Variants in FILIP1L observed in about 807,000 individuals in gnomAD.
FILIP1L encodes the protein filamin A-interacting protein 1-like.
In FILIP1L, 55 loss-of-function variants were observed where a neutral mutation model predicts 96.6. That is an observed-to-expected ratio of 0.57 (90% CI 0.46 to 0.71). The LOEUF (loss-of-function observed/expected upper bound fraction) is 0.71. FILIP1L is among the 30% of genes least tolerant of loss of function. The pLI is 0.00. For synonymous variants in FILIP1L, 467 were observed against 473.9 expected, an observed-to-expected ratio of 0.99 and a Z score of 0.19; for missense variants, 1,304 against 1,321.2, an observed-to-expected ratio of 0.99 and a Z score of 0.20.
intron 1 of FILIP1L, among the ~76,000 whole-genome samples, chr3:100,025,847 A>T (rs1006022009): frequency 1.1e-4 from 16 of 152,138 alleles, no homozygotes; most frequent in African/African-American, 3.9e-4. Context: ...AAGATAAATA[A>T]TTTGCCGGTT....
chr3:99,858,187 C>G lies in FILIP1L; in HGVS notation c.606-7117G>C, dbSNP rs186176986. Among the ~76,000 whole-genome samples, 344 of 152,206 alleles carry G rather than the reference C, an allele frequency of 2.3e-3. 1 individual carries two copies. Among genetic ancestry groups the G allele is most frequent in the African/African-American group, 8.0e-3 (331 of 41,536 alleles). On this transcript the variant is annotated intron_variant, in intron 4 of 5. Transcript: ENST00000477258. ...AGATTTTAAAAATACTCATTAGTGCCAGATGCAGTGGCTCACACCTATAAT... is the reference window on the plus strand; with the variant it reads ...AGATTTTAAAAATACTCATTAGTGCGAGATGCAGTGGCTCACACCTATAAT...
At chr3:99,859,827 A>G (rs1438860850) in intron 4 of FILIP1L, among the ~76,000 whole-genome samples, 1 of 152,090 alleles carries the variant, frequency 6.6e-6, no homozygotes, top group Non-Finnish European at 1.5e-5. Flanking sequence ...TGCTTTTTCT[A>G]TGGGACTTTT....
At chr3:100,048,711 G>T (rs1014995362) in intron 1 of FILIP1L, among the ~76,000 whole-genome samples, 13 of 152,134 alleles carry the variant, frequency 8.5e-5, no homozygotes, top group Non-Finnish European at 1.9e-4. Flanking sequence ...TCAAGTCCAG[G>T]TGGGTTTTAT....
chr3:99,852,163 A>G (rs1427735860), intron 4 of FILIP1L, among the ~76,000 whole-genome samples: 1 of 152,200 alleles, frequency 6.6e-6, no homozygotes, highest in African/African-American at 2.4e-5. Flanking sequence ...GGCACTCTCA[A>G]TTATACTGCG....
chr3:99,975,782 G>A (rs1708951782), intron 1 of FILIP1L, among the ~76,000 whole-genome samples: 1 of 152,178 alleles, frequency 6.6e-6, no homozygotes. Flanking sequence ...TACTCAAATT[G>A]AAAAGTCGTG....
chr3:100,037,668 G>A (rs1336219598), intron 1 of FILIP1L, among the ~76,000 whole-genome samples: 1 of 152,118 alleles, frequency 6.6e-6, no homozygotes, highest in Non-Finnish European at 1.5e-5. Flanking sequence ...TCTGTAAATT[G>A]AGGCACACCT....
At chr3:100,105,227 C>A (rs1358381467) in intron 1 of FILIP1L, among the ~76,000 whole-genome samples, 1 of 152,102 alleles carries the variant, frequency 6.6e-6, no homozygotes, top group Non-Finnish European at 1.5e-5. Context: ...TATTCTCCTA[C>A]CAGAGCTTAA....
intron 4 of FILIP1L, among the ~76,000 whole-genome samples, chr3:99,867,256 T>A (rs1944564298): frequency 6.6e-6 from 1 of 152,140 alleles, no homozygotes; most frequent in Non-Finnish European, 1.5e-5. Context: ...CCATTTAGTT[T>A]ATCTATGTGA....
At chr3:100,110,914 T>A (rs2107476563) in intron 1 of FILIP1L, among the ~76,000 whole-genome samples, 1 of 152,266 alleles carries the variant, frequency 6.6e-6, no homozygotes, top group South Asian at 2.1e-4. Context: ...CAGTGTAAAA[T>A]TCCATTTGTA....
intron 1 of FILIP1L, among the ~76,000 whole-genome samples, chr3:99,996,918 T>G (rs1357197392): frequency 6.6e-6 from 1 of 151,854 alleles, no homozygotes; most frequent in African/African-American, 2.4e-5. Flanking sequence ...ATGAAGAAAT[T>G]ATAATGGAAA....
intron 4 of FILIP1L, chr3:99,876,290 C>CGCG (rs1416817170): frequency 4.6e-6 from 4 of 870,208 alleles, no homozygotes; most frequent in Non-Finnish European, 4.1e-6. Flanking sequence ...GACCCTCGGC[C>CGCG]GCGGCGGCGG....
chr3:99,993,816 G>C (rs912199112), intron 1 of FILIP1L, among the ~76,000 whole-genome samples: 1 of 152,088 alleles, frequency 6.6e-6, no homozygotes, highest in Non-Finnish European at 1.5e-5. Context: ...GCATCCCTGG[G>C]ATAAATCGTA....
intron 1 of FILIP1L, among the ~76,000 whole-genome samples, chr3:100,090,779 T>C (rs2066090132): frequency 6.6e-6 from 1 of 152,168 alleles, no homozygotes; most frequent in South Asian, 2.1e-4. Context: ...TCCTAGGAGC[T>C]CTCTGCAGGT....
chr3:100,068,357 TGTG>T (rs1374199188), intron 1 of FILIP1L, among the ~76,000 whole-genome samples: 8 of 143,298 alleles, frequency 5.6e-5, no homozygotes, highest in African/African-American at 1.8e-4. Context: ...CCTCTGTGTG[TGTG>T]TGTGTGTGTG....
intron 5 of FILIP1L, among the ~76,000 whole-genome samples, chr3:99,834,366 C>T (rs1942809175): frequency 6.6e-6 from 1 of 152,096 alleles, no homozygotes; most frequent in Non-Finnish European, 1.5e-5. Context: ...TAAATAGGTG[C>T]CTTTATTCTG....
At chr3:100,043,662 T>C (rs2065239607) in intron 1 of FILIP1L, among the ~76,000 whole-genome samples, 1 of 152,220 alleles carries the variant, frequency 6.6e-6, no homozygotes, top group South Asian at 2.1e-4. Context: ...GTTGAATTTA[T>C]TTTTTAAAAC....
intron 1 of FILIP1L, among the ~76,000 whole-genome samples, chr3:99,993,874 A>G (rs887230854): frequency 3.9e-5 from 6 of 152,102 alleles, no homozygotes; most frequent in Admixed American, 3.9e-4. Flanking sequence ...GATTTTATTT[A>G]CTAGTATTTT....
chr3:99,912,888 T>G (rs1305450670), intron 4 of FILIP1L, among the ~76,000 whole-genome samples: 1 of 152,224 alleles, frequency 6.6e-6, no homozygotes, highest in East Asian at 1.9e-4. Flanking sequence ...TGCTGAGTTG[T>G]ATGGTAACTG....
chr3:100,026,523 G>A (rs2064925496), intron 1 of FILIP1L, among the ~76,000 whole-genome samples: 1 of 152,086 alleles, frequency 6.6e-6, no homozygotes, highest in Admixed American at 6.6e-5. Context: ...AGTATTTTGA[G>A]AGGAGCTGGA....
Sources: allele counts gnomAD v4.1 joint callset (sites outside exome capture counted in the v4.1 genomes callset), GRCh38; gene constraint gnomAD v4.1.1; transcripts MANE v1.5; gene names NCBI Gene and HGNC (gene_info 2026-07-23, HGNC 2026-07-21).